Variants in PDE10A observed in about 807,000 individuals in gnomAD.
PDE10A encodes phosphodiesterase 10A.
Under a neutral mutation model 97.7 loss-of-function variants are expected in PDE10A, and 39 were observed. That is an observed-to-expected ratio of 0.40 (90% CI 0.31 to 0.52). The LOEUF (loss-of-function observed/expected upper bound fraction) is 0.52, where lower values mean the gene tolerates loss of function less well. Among genes scored for constraint, PDE10A ranks in the 20% least tolerant of loss-of-function variants. The pLI is 0.56. For synonymous variants in PDE10A, 371 were observed against 376.8 expected (o/e 0.98, Z 0.18); for missense variants, 731 against 1,047.8 (o/e 0.70, Z 4.17).
chr6:165,437,180 G>C (rs569105017), intron 5 of PDE10A, among the ~76,000 whole-genome samples: 2 of 152,236 alleles, frequency 1.3e-5, no homozygotes, highest in East Asian at 1.9e-4. Flanking sequence ...GGGGGGTGTG[G>C]AGGGAGTCAT....
intron 1 of PDE10A, among the ~76,000 whole-genome samples, chr6:165,787,487 G>C (rs1434314819): frequency 2.0e-5 from 3 of 152,162 alleles, no homozygotes; most frequent in African/African-American, 7.2e-5. Flanking sequence ...TGGGGACAGA[G>C]CATCATTTTC....
At chr6:165,948,797 T>C (rs1783860780) in intron 1 of PDE10A, 1 of 152,310 alleles carries the variant, frequency 6.6e-6, no homozygotes, top group African/African-American at 2.4e-5. Context: ...GCCTTGGCCA[T>C]GCCTAGGGGA....
Position 165,361,718 on chromosome 6 carries a change from A to T in PDE10A, c.2783+17476T>A, listed in dbSNP as rs1783439569. On this transcript the variant is annotated intron_variant, in intron 18 of 21. Transcript: ENST00000539869. ...AGGCAGAGATTGGAGTGATACTCTC[A>T]TAGACTACAAATGCCTGAAGTTGCC... Among the ~76,000 whole-genome samples, 3 of 152,188 alleles carry T rather than the reference A, an allele frequency of 2.0e-5. No individual in the cohort carries two copies. In the South Asian group the frequency reaches 6.2e-4, roughly 31 times the overall value.
At chr6:165,450,413 C>T (rs752580248) in intron 3 of PDE10A, 51 bp from the exon 4 acceptor site, 1 of 1,110,686 alleles carries the variant, frequency 9.0e-7, no homozygotes, top group South Asian at 1.7e-5. Context: ...TAAAATATAA[C>T]AAAAATTCCT....
At chr6:165,471,928 C>A (rs1041934225) in intron 3 of PDE10A, among the ~76,000 whole-genome samples, 1 of 152,142 alleles carries the variant, frequency 6.6e-6, no homozygotes, top group African/African-American at 2.4e-5. Flanking sequence ...TTAACAGTCT[C>A]TTAATTTAAT....
chr6:165,822,716 C>T (rs1779608928), intron 1 of PDE10A, among the ~76,000 whole-genome samples: 1 of 152,126 alleles, frequency 6.6e-6, no homozygotes, highest in African/African-American at 2.4e-5. Flanking sequence ...GTGAAGGCCT[C>T]GGACATGGCG....
chr6:165,347,468 A>G (rs539454445), intron 18 of PDE10A, among the ~76,000 whole-genome samples: 18 of 152,344 alleles, frequency 1.2e-4, no homozygotes, highest in African/African-American at 4.1e-4. Context: ...CATCACAGAA[A>G]TAAGTTGCTT....
chr6:165,587,663 A>AT (rs11352485), intron 1 of PDE10A, among the ~76,000 whole-genome samples: 2 of 151,852 alleles, frequency 1.3e-5, no homozygotes, highest in Admixed American at 6.5e-5. Context: ...TCAGATATGA[A>AT]TTTTTTTTTC....
intron 18 of PDE10A, among the ~76,000 whole-genome samples, chr6:165,356,715 C>T (rs1432689490): frequency 6.6e-6 from 1 of 152,118 alleles, no homozygotes; most frequent in Non-Finnish European, 1.5e-5. Context: ...GCAGAAAAGA[C>T]AGTTGTTCAT....
Position 165,359,419 on chromosome 6 carries a change from C to G in PDE10A, c.2784-15917G>C, listed in dbSNP as rs541813169. 2.6e-5 allele frequency among the ~76,000 whole-genome samples: 4 copies of G among 152,282 alleles called. No individual in the cohort carries two copies. In the East Asian group the frequency reaches 7.7e-4, roughly 29 times the overall value. On this transcript the variant is annotated intron_variant, in intron 18 of 21. Coordinates refer to ENST00000539869, the MANE Select transcript of PDE10A (RefSeq NM_001385079.1). ...CTTTGAATACGTCCATGTTTTTGCTCTCCATGATTTCTGGCAAGAAACACG... is the reference window on the plus strand; with the variant it reads ...CTTTGAATACGTCCATGTTTTTGCTGTCCATGATTTCTGGCAAGAAACACG...
At chr6:165,822,905 G>C (rs1480967478) in intron 1 of PDE10A, among the ~76,000 whole-genome samples, 3 of 152,012 alleles carry the variant, frequency 2.0e-5, no homozygotes, top group Non-Finnish European at 4.4e-5. Context: ...CGCGATCTCA[G>C]CTCACTGCAA....
intron 17 of PDE10A, among the ~76,000 whole-genome samples, chr6:165,382,317 G>A (rs920764312): frequency 6.6e-6 from 1 of 152,034 alleles, no homozygotes; most frequent in African/African-American, 2.4e-5. Flanking sequence ...TCCACTGCTG[G>A]GGGATTAGGG....
At chr6:165,773,780 G>A (rs568557972) in intron 1 of PDE10A, among the ~76,000 whole-genome samples, 1 of 152,262 alleles carries the variant, frequency 6.6e-6, no homozygotes, top group South Asian at 2.1e-4. Flanking sequence ...CTGTCAGTGT[G>A]ATGAAAAGTA....
chr6:165,651,673 T>G (rs1789693246), intron 1 of PDE10A, among the ~76,000 whole-genome samples: 2 of 152,238 alleles, frequency 1.3e-5, no homozygotes, highest in Admixed American at 1.3e-4. Flanking sequence ...TTCTGGTTTT[T>G]GAGTCCCATT....
Position 165,395,284 on chromosome 6 carries a change from G to A in PDE10A, c.2220-20C>T, listed in dbSNP as rs1786073794. ...TGGAATCTGAAATTTTAAAAGGGCAGTTTATCACTAAACGTGATTAGAATA... is the reference window on the plus strand; with the variant it reads ...TGGAATCTGAAATTTTAAAAGGGCAATTTATCACTAAACGTGATTAGAATA... On this transcript the variant is annotated intron_variant, in intron 14 of 21. Transcript: ENST00000539869. 1.3e-6 allele frequency: 2 copies of A among 1,495,640 alleles called. No homozygotes were observed. Among genetic ancestry groups the A allele is most frequent in the African/African-American group, 1.4e-5 (1 of 72,588 alleles). 92.6% of individuals were successfully genotyped at this position (1,495,640 alleles called of 1,614,324 possible).
intron 17 of PDE10A, among the ~76,000 whole-genome samples, chr6:165,382,279 A>G (rs1390449856): frequency 6.6e-6 from 1 of 152,148 alleles, no homozygotes; most frequent in Non-Finnish European, 1.5e-5. Context: ...CCTTAATCAT[A>G]AGGATCCTAA....
chr6:165,481,190 C>T (rs1464754113), intron 3 of PDE10A, among the ~76,000 whole-genome samples: 1 of 152,206 alleles, frequency 6.6e-6, no homozygotes, highest in Non-Finnish European at 1.5e-5. Context: ...CACTTTTCAG[C>T]ATTTTCTGCT....
chr6:165,791,679 C>T (rs547226686), intron 1 of PDE10A, among the ~76,000 whole-genome samples: 79 of 152,258 alleles, frequency 5.2e-4, no homozygotes, highest in African/African-American at 1.9e-3. Flanking sequence ...CTCACAGCTC[C>T]GTGGCCTTCA....
intron 2 of PDE10A, among the ~76,000 whole-genome samples, chr6:165,494,621 CCA>C (rs1562519852): frequency 6.6e-6 from 1 of 151,258 alleles, no homozygotes; most frequent in East Asian, 1.9e-4. Flanking sequence ...ATATTGAAAA[CCA>C]CATTTTGCAT....
Sources: allele counts gnomAD v4.1 joint callset (sites outside exome capture counted in the v4.1 genomes callset), GRCh38; gene constraint gnomAD v4.1.1; transcripts MANE v1.5; gene names NCBI Gene and HGNC (gene_info 2026-07-23, HGNC 2026-07-21).